The following C2CD3 variants were observed in gnomAD, a reference collection of about 807,000 sequenced individuals.
C2CD3 encodes C2 domain containing 3 centriole elongation regulator.
Under a neutral mutation model 234.0 loss-of-function variants are expected in C2CD3, and 148 were observed. That is an observed-to-expected ratio of 0.63 (90% confidence interval 0.55 to 0.72). C2CD3 has a LOEUF of 0.72. Among genes scored for constraint, C2CD3 ranks in the 30% least tolerant of loss-of-function variants. C2CD3 has a pLI of 0.00. For missense variants in C2CD3, 2,577 were observed against 2,811.5 expected (o/e 0.92, Z 1.89); for synonymous variants, 1,000 against 1,035.4 (o/e 0.97, Z 0.66).
intron 30 of C2CD3, 127 bp downstream of exon 30, chr11:74,037,351 A>T: frequency 5.8e-5 from 42 of 719,218 alleles, no homozygotes; most frequent in Non-Finnish European, 8.1e-5. Context: ...AAAAAAAAAA[A>T]GGAAGAGGGT....
At chr11:74,103,907 G>A (rs1956417514) in intron 13 of C2CD3, among the ~76,000 whole-genome samples, 1 of 152,136 alleles carries the variant, frequency 6.6e-6, no homozygotes, top group Non-Finnish European at 1.5e-5. Flanking sequence ...AAAGGACCCA[G>A]AATCCAGCTG....
chr11:74,143,787 T>C (rs1464952969), intron 3 of C2CD3, among the ~76,000 whole-genome samples: 2 of 152,062 alleles, frequency 1.3e-5, no homozygotes, highest in East Asian at 3.8e-4. Flanking sequence ...ATTAAGGTGA[T>C]GCAGGCCTTA....
intron 2 of C2CD3, 115 bp downstream of exon 2, chr11:74,168,229 C>T (rs1460858468): frequency 3.6e-6 from 3 of 836,324 alleles, no homozygotes; most frequent in Non-Finnish European, 5.7e-6. Flanking sequence ...CTCTTTGACT[C>T]TTCAATAATT....
intron 12 of C2CD3, 140 bp from the exon 13 acceptor site, chr11:74,106,633 A>G: frequency 1.4e-6 from 1 of 720,904 alleles, no homozygotes; most frequent in South Asian, 2.1e-5. Flanking sequence ...CAACTCTGAG[A>G]TCCCACTTTG....
rs1311718117 is a variant in C2CD3 at position 74,080,479 on chromosome 11, G to GC, written c.4001-1763dup. ...TTTTGGCTCAAATGAAAGCTATTAT[G>GC]CCCCCCAAAATAAACAAATATGTGT... is the stretch of plus-strand genomic sequence containing the variant. On this transcript the variant is annotated intron_variant, in intron 22 of 32. Transcript: ENST00000334126. Among the ~76,000 whole-genome samples, 5 of 152,126 alleles carry GC rather than the reference G, an allele frequency of 3.3e-5. No individual in the cohort carries two copies. The South Asian group carries it at 8.3e-4, about 25-fold the overall frequency.
chr11:74,100,651 T>G lies in C2CD3; in HGVS notation c.2606A>C (p.Lys869Thr). 1 of 1,613,576 alleles carries G rather than the reference T, an allele frequency of 6.2e-7. No individual in the cohort carries two copies. The highest frequency in any genetic ancestry group is 8.5e-7 in the Non-Finnish European group (1 of 1,179,814). Residue 869 changes from lysine (K) to threonine (T), a missense_variant, in exon 15 of 33, where the codon AAA (lysine) becomes ACA (threonine). Transcript: ENST00000334126. ...SQVIPVSLSS[K>T]YLERLKNNVM... ...ATTGTTCTTAAGCCTTTCCAGGTAT[T>G]TGGAAGACAGAGAGACAGGAATCAC...
chr11:74,034,279 C>G lies in C2CD3; in HGVS notation c.5882-1G>C. 6.5e-7 allele frequency: 1 copy of G among 1,534,116 alleles called. No homozygotes were observed. ...GAATCCCTGGTGATAGTCTGCAGAT[C>G]TGAACAGCAACACATATCACTCTTA... is the stretch of plus-strand genomic sequence containing the variant. On this transcript the variant is annotated splice_acceptor_variant, in intron 30 of 32. Transcript: ENST00000334126. LOFTEE classifies it high-confidence loss of function.
chr11:74,058,182 A>C (rs1018603713), intron 24 of C2CD3, among the ~76,000 whole-genome samples: 4 of 152,216 alleles, frequency 2.6e-5, no homozygotes, highest in Non-Finnish European at 4.4e-5. Context: ...GCTCTGCCAC[A>C]TACATGCAAT....
chr11:74,048,937 C>T (rs1396531182), intron 27 of C2CD3, among the ~76,000 whole-genome samples: 3 of 152,128 alleles, frequency 2.0e-5, no homozygotes, highest in Non-Finnish European at 2.9e-5. Context: ...CTACGCTTAC[C>T]GTGATCAATT....
intron 24 of C2CD3, among the ~76,000 whole-genome samples, chr11:74,069,157 G>C (rs1344889207): frequency 6.6e-6 from 1 of 152,184 alleles, no homozygotes; most frequent in African/African-American, 2.4e-5. Context: ...AAACTATTTT[G>C]ACTTTGGAAG....
At chr11:74,072,244 T>C (rs1954829458) in intron 24 of C2CD3, among the ~76,000 whole-genome samples, 1 of 152,224 alleles carries the variant, frequency 6.6e-6, no homozygotes, top group Non-Finnish European at 1.5e-5. Flanking sequence ...AGGTTTCTGA[T>C]ACACAATGGC....
At chr11:74,170,430 T>C (rs1438792167) in intron 1 of C2CD3, among the ~76,000 whole-genome samples, 1 of 152,188 alleles carries the variant, frequency 6.6e-6, no homozygotes, top group Admixed American at 6.5e-5. Flanking sequence ...CCTCGAAAGC[T>C]ACACACACAC....
At chr11:74,021,638 T>C (rs1952087852) in intron 32 of C2CD3, among the ~76,000 whole-genome samples, 2 of 152,214 alleles carry the variant, frequency 1.3e-5, no homozygotes, top group Admixed American at 1.3e-4. Context: ...CTGTGTCACA[T>C]GCAATCAGGC....
intron 29 of C2CD3, among the ~76,000 whole-genome samples, chr11:74,039,556 G>A (rs80251101): frequency 0.011 from 1,708 of 152,272 alleles, 27 homozygotes; most frequent in African/African-American, 0.038. Flanking sequence ...AATCAGTGCT[G>A]TAATAAGCCC....
Position 74,034,007 on chromosome 11 carries a change from T to G in C2CD3, c.6153A>C (p.Glu2051Asp). The G allele has an allele frequency of 1.3e-6, 2 of 1,536,542 alleles. No individual in the cohort carries two copies. The highest frequency in any genetic ancestry group is 1.7e-6 in the Non-Finnish European group (2 of 1,146,990). Residue 2051 changes from glutamate to aspartate, a missense_variant, in exon 31 of 33, where the codon GAA becomes GAC. Transcript: ENST00000334126. Reference sequence around the variant, plus strand: ...TGTAGGCTGGGCCTGCCTCAGTGTCTTCACTGCTCTGCATCCTTGTAATGG... The same window carrying G: ...TGTAGGCTGGGCCTGCCTCAGTGTCGTCACTGCTCTGCATCCTTGTAATGG... ...AVPITRMQSS[E>D]DTEAGPAYSD...
At chr11:74,121,882 C>CAGG (rs1416498084) in intron 8 of C2CD3, among the ~76,000 whole-genome samples, 1 of 152,162 alleles carries the variant, frequency 6.6e-6, no homozygotes, top group Non-Finnish European at 1.5e-5. Context: ...CTTTCCCGTC[C>CAGG]ACCACCTCCT....
chr11:74,062,520 G>A (rs1224519106), intron 24 of C2CD3, among the ~76,000 whole-genome samples: 1 of 152,164 alleles, frequency 6.6e-6, no homozygotes, highest in Non-Finnish European at 1.5e-5. Context: ...GCTCCTGAAT[G>A]ACTACTGGGT....
At chr11:74,170,254 C>T (rs555428897) in intron 1 of C2CD3, among the ~76,000 whole-genome samples, 8 of 152,294 alleles carry the variant, frequency 5.3e-5, no homozygotes, top group Non-Finnish European at 1.0e-4. Flanking sequence ...AACTCCTGCT[C>T]ATAGTCAGCC....
rs1352118942 is a variant in C2CD3, at chr11:74,048,443, C to G, written c.5362-105G>C. ...AAATTTATTGTGTGCATTTAATTTA[C>G]TGAATACTTTGTGTTAAACACTGTG... On this transcript the variant is annotated intron_variant, in intron 27 of 32. Coordinates refer to ENST00000334126, the MANE Select transcript of C2CD3 (RefSeq NM_001286577.2). The G allele has an allele frequency of 9.5e-6, 11 of 1,163,522 alleles. No homozygotes were observed. The South Asian group carries it at 1.7e-4, about 18-fold the overall frequency. 72.1% of individuals were successfully genotyped at this position (1,163,522 alleles called of 1,614,324 possible).
Sources: gnomAD v4.1 joint callset for allele counts (sites outside exome capture counted in the v4.1 genomes callset) on GRCh38, gnomAD v4.1.1 for gene constraint, MANE v1.5 for transcripts, NCBI Gene and HGNC (gene_info 2026-07-23, HGNC 2026-07-21) for gene names.